The following SPIC variants were observed in gnomAD, a reference collection of about 807,000 sequenced individuals.
SPIC encodes the protein Spi-C transcription factor.
SPIC carries 9 observed loss-of-function variants against 16.7 expected under a neutral mutation model. The ratio of observed to expected loss-of-function variants is 0.54; its 90% CI spans 0.33 to 0.94. SPIC has a LOEUF of 0.94. Among genes scored for constraint, SPIC ranks in the 40% least tolerant of loss-of-function variants. The pLI, the probability that SPIC is intolerant of heterozygous loss-of-function variation, is 0.03. For missense variants in SPIC, 241 were observed against 285.8 expected, an observed-to-expected ratio of 0.84 and a Z score of 1.13; for synonymous variants, 97 against 102.9, an observed-to-expected ratio of 0.94 and a Z score of 0.35.
intron 5 of SPIC, among the ~76,000 whole-genome samples, chr12:101,483,434 T>C (rs982188369): frequency 6.6e-6 from 1 of 152,082 alleles, no homozygotes; most frequent in African/African-American, 2.4e-5. Context: ...TTGAAGAACC[T>C]GCCTGAGGCT....
chr12:101,476,302 G>A (rs546132024), intron 1 of SPIC, among the ~76,000 whole-genome samples: 3 of 152,148 alleles, frequency 2.0e-5, no homozygotes, highest in Non-Finnish European at 2.9e-5. Context: ...AATTATAGAC[G>A]AGTTTTCTTA....
intron 3 of SPIC, among the ~76,000 whole-genome samples, chr12:101,479,241 AAAAAGAAAGAAAGAAGGAAG>A (rs1873083936): frequency 2.3e-4 from 17 of 72,876 alleles, no homozygotes; most frequent in Middle Eastern, 7.9e-3. Context: ...AGAAAGAAAG[AAAAAGAAAGAAAGAAGGAAG>A]GAAAGAAAGA....
At chr12:101,482,665 T>C (rs1015193293) in intron 4 of SPIC, 127 bp from the exon 5 acceptor site, 12 of 806,060 alleles carry the variant, frequency 1.5e-5, no homozygotes, top group East Asian at 2.5e-5. Flanking sequence ...CTGGCTGCAG[T>C]TGGGGGTAAT....
intron 3 of SPIC, among the ~76,000 whole-genome samples, chr12:101,478,998 G>A (rs924971275): frequency 2.0e-5 from 3 of 151,568 alleles, no homozygotes; most frequent in Admixed American, 6.6e-5. Context: ...TTAGCCAAGT[G>A]TGGTGGCGTG....
In SPIC at chr12:101,482,889, A is replaced by AG; in HGVS notation, c.314dup (p.Gly107ArgfsTer9). On this transcript the variant is annotated frameshift_variant, in exon 5 of 6. Coordinates refer to ENST00000551346, the MANE Select transcript of SPIC (RefSeq NM_152323.3). LOFTEE classifies it low-confidence loss of function (END_TRUNC). ...GTACAACCCACTCTTCTCCAGCAAA[A>AG]GGGGGGAAAAGGTACGTTGATCCAT... 6.2e-7 allele frequency: 1 copy of AG among 1,613,676 alleles called. No homozygotes were observed. The highest frequency in any genetic ancestry group is 2.2e-5 in the East Asian group (1 of 44,884).
Position 101,479,268 on chromosome 12 carries a change from AAG to A in SPIC, c.98-312_98-311del, listed in dbSNP as rs1565831251. ...AAAGAAAGAAAGAAGGAAGGAAAGA[AAG>A]AAAGAAAGAAAGAAAAAGAAAGAAA... On this transcript the variant is annotated intron_variant, in intron 3 of 5. Coordinates refer to ENST00000551346, the MANE Select transcript of SPIC (RefSeq NM_152323.3). Among the ~76,000 whole-genome samples the A allele has an allele frequency of 7.2e-4, 75 of 103,480 alleles. 2 individuals are homozygous for A. The highest frequency in any genetic ancestry group is 5.5e-3 in the East Asian group (23 of 4,190). The allele number at this position is 103,480 out of a possible 152,430, so 67.9% of individuals were successfully genotyped here.
intron 1 of SPIC, among the ~76,000 whole-genome samples, chr12:101,475,849 C>T (rs1238502150): frequency 6.6e-6 from 1 of 152,058 alleles, no homozygotes; most frequent in African/African-American, 2.4e-5. Context: ...CACTAAAGAC[C>T]ATGAGCCGAA....
At chr12:101,478,033 CTTT>C (rs71091502) in intron 3 of SPIC, among the ~76,000 whole-genome samples, 4 of 137,700 alleles carry the variant, frequency 2.9e-5, no homozygotes, top group Admixed American at 7.3e-5. Flanking sequence ...TTTCTTTTTT[CTTT>C]TTTTTTTTTT....
In SPIC at chr12:101,486,433, A is replaced by G; in HGVS notation, c.409A>G (p.Lys137Glu). 1 of 1,614,214 alleles carries G rather than the reference A, an allele frequency of 6.2e-7. No individual in the cohort carries two copies. Among genetic ancestry groups the G allele is most frequent in the Non-Finnish European group, 8.5e-7 (1 of 1,180,038 alleles). The stretch of plus-strand genomic sequence containing the variant: ...TTGTATTCAGTGGGTAGATAAAACC[A>G]AAGGCATCTTTCAGTTTGTATCAAA... ...ASCIQWVDKT[K>E]GIFQFVSKNK... Residue 137 changes from lysine to glutamate, a missense_variant, in exon 6 of 6, where the codon AAA (lysine) becomes GAA (glutamate). Physicochemically the swap from Lys to Glu is moderately conservative, Grantham distance 56. Transcript: ENST00000551346.
Position 101,477,460 on chromosome 12 carries a change from T to C in SPIC, c.4-98T>C, listed in dbSNP as rs1210306493. The C allele has an allele frequency of 6.0e-6, 7 of 1,159,812 alleles. No homozygotes were observed. The African/African-American group carries it at 9.1e-5, about 15-fold the overall frequency. The allele number at this position is 1,159,812 out of a possible 1,614,324, so 71.8% of individuals were successfully genotyped here. A position where few individuals can be genotyped will look rare whatever the true frequency, so the allele number is the denominator to read the frequency against. On this transcript the variant is annotated intron_variant, in intron 2 of 5. Transcript: ENST00000551346. ...CACCAAATGCCCATAGTGTCAAGAT[T>C]GAGAAACCCTCCTTTAGACTAAATA...
intron 1 of SPIC, among the ~76,000 whole-genome samples, chr12:101,476,319 G>T (rs1002534461): frequency 2.0e-5 from 3 of 152,118 alleles, no homozygotes; most frequent in Non-Finnish European, 4.4e-5. Flanking sequence ...CTTAGCCTAG[G>T]ATTCAAGCAA....
chr12:101,481,209 CAG>C lies in SPIC; in HGVS notation c.210+1516_210+1517del, dbSNP rs573969863. ...TGGCTGTCATCTTTTTTTTTTAAGA[CAG>C]GGTATTTTTCTCTCACCTAGGTTGG... On this transcript the variant is annotated intron_variant, in intron 4 of 5. Coordinates refer to ENST00000551346, the MANE Select transcript of SPIC (RefSeq NM_152323.3). Among the ~76,000 whole-genome samples, 49 of 150,458 alleles carry C rather than the reference CAG, an allele frequency of 3.3e-4. 1 individual carries two copies. The South Asian group carries it at 9.8e-3, about 30-fold the overall frequency.
chr12:101,477,450 G>C, intron 2 of SPIC, 108 bp from the exon 3 acceptor site: 1 of 996,746 alleles, frequency 1.0e-6, no homozygotes, highest in Non-Finnish European at 1.5e-6. Flanking sequence ...AATGCCCATA[G>C]TGTCAAGATT....
chr12:101,482,948 C>T, intron 5 of SPIC, 48 bp downstream of exon 5: 1 of 1,488,276 alleles, frequency 6.7e-7, no homozygotes, highest in Non-Finnish European at 9.3e-7. Flanking sequence ...CCAGATCTTC[C>T]TCATAGCTGC....
At chr12:101,486,305 A>T in intron 5 of SPIC, 39 bp from the exon 6 acceptor site, 1 of 1,561,398 alleles carries the variant, frequency 6.4e-7, no homozygotes, top group Non-Finnish European at 8.7e-7. Flanking sequence ...CTCGGTTTAC[A>T]GCCACGGTGG....
intron 2 of SPIC, 89 bp from the exon 3 acceptor site, chr12:101,477,469 C>A: frequency 1.6e-6 from 2 of 1,244,200 alleles, no homozygotes; most frequent in Non-Finnish European, 2.3e-6. Flanking sequence ...TTGAGAAACC[C>A]TCCTTTAGAC....
intron 1 of SPIC, among the ~76,000 whole-genome samples, chr12:101,476,612 A>G (rs2121237798): frequency 6.6e-6 from 1 of 152,240 alleles, no homozygotes; most frequent in Admixed American, 6.5e-5. Flanking sequence ...ATATATAGCT[A>G]TTTTAATATT....
At chr12:101,482,147 G>T (rs946257750) in intron 4 of SPIC, among the ~76,000 whole-genome samples, 2 of 150,714 alleles carry the variant, frequency 1.3e-5, no homozygotes, top group African/African-American at 4.9e-5. Context: ...CAGGAGAATC[G>T]CTTGAAACTG....
intron 5 of SPIC, among the ~76,000 whole-genome samples, 184 bp downstream of exon 5, chr12:101,483,084 G>GTT (rs1565832533): frequency 2.0e-5 from 2 of 98,992 alleles, no homozygotes; most frequent in Admixed American, 9.8e-5. Context: ...GAGACTTCCT[G>GTT]TGTTTTTTTT....
Sources: gnomAD v4.1 joint callset for allele counts (sites outside exome capture counted in the v4.1 genomes callset) on GRCh38, gnomAD v4.1.1 for gene constraint, MANE v1.5 for transcripts, NCBI Gene and HGNC (gene_info 2026-07-23, HGNC 2026-07-21) for gene names.